Variants in NOTCH4 observed in about 807,000 individuals in gnomAD.
NOTCH4 encodes notch receptor 4, also known as neurogenic locus notch homolog protein 4.
NOTCH4 carries 138 observed loss-of-function variants against 189.0 expected under a neutral mutation model. The observed-to-expected ratio is 0.73, with a 90% confidence interval of 0.64 to 0.84. NOTCH4 has a LOEUF of 0.84. Ranked by LOEUF, NOTCH4 falls within the 40% of genes least tolerant of loss-of-function variation. The pLI, the probability that NOTCH4 is intolerant of heterozygous loss-of-function variation, is 0.00. For synonymous variants in NOTCH4, 942 were observed against 1,032.8 expected, an observed-to-expected ratio of 0.91 and a Z score of 1.69; for missense variants, 2,286 against 2,605.4, an observed-to-expected ratio of 0.88 and a Z score of 2.67.
intron 7 of NOTCH4, 70 bp downstream of exon 7, chr6:32,220,059 G>T: frequency 6.6e-7 from 1 of 1,503,852 alleles, no homozygotes; most frequent in Non-Finnish European, 9.1e-7. Context: ...AAAGCAATCT[G>T]CCCTTTTCTG....
Position 32,201,440 on chromosome 6 carries a change from G to A in NOTCH4, c.3816C>T (p.Cys1272=), listed in dbSNP as rs542575877. 6.5e-7 allele frequency: 1 copy of A among 1,535,724 alleles called. No homozygotes were observed. The highest frequency in any genetic ancestry group is 1.3e-5 in the South Asian group (1 of 77,830). ...CATCCCAGCCACACTCTGCAGTGTT[G>A]CAGCCTTTCTCACAGTGCCCGTTGT... ...HFHNGHCEKG[C]NTAECGWDGG... Residue 1272 remains cysteine, a synonymous_variant, in exon 22 of 30, where the codon TGC becomes TGT. Transcript: ENST00000375023. The surrounding 1 kb of genome is among the most constrained non-coding windows in gnomAD (Gnocchi z 5.5).
At chr6:32,214,969 G>T (rs904340335) in intron 12 of NOTCH4, among the ~76,000 whole-genome samples, 19 of 152,084 alleles carry the variant, frequency 1.2e-4, no homozygotes, top group African/African-American at 4.1e-4. Context: ...TGATTAATTC[G>T]CCCTGGGATT....
Position 32,217,363 on chromosome 6 carries a change from C to G in NOTCH4, c.1625-97G>C. On this transcript the variant is annotated intron_variant, in intron 9 of 29. Coordinates refer to ENST00000375023, the MANE Select transcript of NOTCH4 (RefSeq NM_004557.4). The surrounding 1 kb of genome is among the most constrained non-coding windows in gnomAD (Gnocchi z 4.2). Reference sequence around the variant, plus strand: ...TGCCAGGAAAGGTGAACTTGCAGAGCTTCCCAGAGAAGACACCTGGGGCAG... The same window carrying G: ...TGCCAGGAAAGGTGAACTTGCAGAGGTTCCCAGAGAAGACACCTGGGGCAG... 2.6e-6 allele frequency: 2 copies of G among 763,996 alleles called. No individual in the cohort carries two copies. Among genetic ancestry groups the G allele is most frequent in the Non-Finnish European group, 4.5e-6 (2 of 446,650 alleles). The allele number at this position is 763,996 out of a possible 1,614,324, so 47.3% of individuals were successfully genotyped here.
rs1440570255 is a variant in NOTCH4 at position 32,202,255 on chromosome 6, A to T, written c.3576T>A (p.Ser1192Arg). Residue 1192 changes from serine (S) to arginine (R), a missense_variant, in exon 21 of 30, where the codon AGT becomes AGA. By Grantham distance (110) the Ser-to-Arg change is moderately radical. Transcript: ENST00000375023. This position sits in a 1 kb window ranked among gnomAD's most constrained non-coding sequence, Gnocchi z 5.7. ...SGDGACDAGCSGPGGNWDGGD... is the reference protein window; with the variant it reads ...SGDGACDAGCRGPGGNWDGGD... ...CTCCATCCCAGTTTCCTCCCGGGCC[A>T]CTGCAGCCAGCATCGCAGGCCCCAT... is the stretch of plus-strand genomic sequence containing the variant. The T allele has an allele frequency of 1.3e-6, 2 of 1,576,766 alleles. No homozygotes were observed. The highest frequency in any genetic ancestry group is 1.8e-5 in the Admixed American group (1 of 56,694).
rs1366721387 is a variant in NOTCH4, at chr6:32,196,924, C to T, written c.5200+1G>A. The T allele has an allele frequency of 1.2e-6, 2 of 1,612,956 alleles. No homozygotes were observed. The highest frequency in any genetic ancestry group is 8.5e-7 in the Non-Finnish European group (1 of 1,180,022). On this transcript the variant is annotated splice_donor_variant, in intron 28 of 29. Coordinates refer to ENST00000375023, the MANE Select transcript of NOTCH4 (RefSeq NM_004557.4). LOFTEE classifies it high-confidence loss of function. ...CATACATCACCCCTTCCTCTACATA[C>T]CCCATTTATCTCTGGCCCCCACGTC... is the stretch of plus-strand genomic sequence containing the variant.
chr6:32,201,323 C>G lies in NOTCH4; in HGVS notation c.3933G>C (p.Gln1311His). ...VVLSPPALDQ[Q>H]LFALARVLSL... Reference sequence around the variant, plus strand: ...ACAGCACCCGGGCCAGGGCAAACAGCTGCTGGTCTAGGGCTGGGGGGCTCA... The same window carrying G: ...ACAGCACCCGGGCCAGGGCAAACAGGTGCTGGTCTAGGGCTGGGGGGCTCA... Residue 1311 changes from glutamine to histidine, a missense_variant, in exon 22 of 30, where the codon CAG (glutamine) becomes CAC (histidine). Around this residue, in one of 2 missense-constraint regions of NOTCH4, gnomAD observed 1,903 missense variants for 2,261.9 expected, o/e 0.84. Transcript: ENST00000375023. The surrounding 1 kb of genome is among the most constrained non-coding windows in gnomAD (Gnocchi z 5.5). 1 of 1,612,634 alleles carries G rather than the reference C, an allele frequency of 6.2e-7. No individual in the cohort carries two copies. Among genetic ancestry groups the G allele is most frequent in the Non-Finnish European group, 8.5e-7 (1 of 1,179,764 alleles).
rs1246357602 is a variant in NOTCH4, at chr6:32,221,112, C to T, written c.665G>A (p.Cys222Tyr). The T allele has an allele frequency of 3.1e-6, 5 of 1,613,100 alleles. No individual in the cohort carries two copies. The highest frequency in any genetic ancestry group is 2.2e-5 in the East Asian group (1 of 44,868). The stretch of plus-strand genomic sequence containing the variant: ...ACGTGGACCCTCCTGCCCCACAGGG[C>T]AGAGGCACTGGAAGGAGCCCAGGGT... ...HNTLGSFQCL[C>Y]PVGQEGPRCE... The change falls in exon 4 of 30, where the codon TGC becomes TAC. Residue 222 changes from cysteine to tyrosine, a missense_variant. By Grantham distance (194) the Cys-to-Tyr change is radical. This residue lies in a region of NOTCH4 where 1,903 missense variants were observed against 2,261.9 expected (regional missense o/e 0.84). Coordinates refer to ENST00000375023, the MANE Select transcript of NOTCH4 (RefSeq NM_004557.4). This position sits in a 1 kb window ranked among gnomAD's most constrained non-coding sequence, Gnocchi z 4.3.
At chr6:32,214,588 C>A (rs1196850134) in intron 12 of NOTCH4, among the ~76,000 whole-genome samples, 1 of 151,776 alleles carries the variant, frequency 6.6e-6, no homozygotes, top group African/African-American at 2.4e-5. Context: ...TGTGTTTCCC[C>A]CAGGGCCTGG....
Position 32,210,438 on chromosome 6 carries a change from CG to C in NOTCH4, c.2865+313del, listed in dbSNP as rs910008949. On this transcript the variant is annotated intron_variant, in intron 18 of 29. Transcript: ENST00000375023. This position sits in a 1 kb window ranked among gnomAD's most constrained non-coding sequence, Gnocchi z 4.8. The stretch of plus-strand genomic sequence containing the variant: ...CATTTTCAGTAGAGTACCCTGGCCA[CG>C]GGGTAAAGGCTGAACCTATAGAAGG... Among the ~76,000 whole-genome samples, 4 of 151,954 alleles carry C rather than the reference CG, an allele frequency of 2.6e-5. No individual in the cohort carries two copies. The highest frequency in any genetic ancestry group is 5.9e-5 in the Non-Finnish European group (4 of 68,010).
At position 32,218,114 on chromosome 6, in the gene NOTCH4, G is replaced by A; in HGVS notation, c.1511-6C>T. ...ACAGAGCTGCCCTTCTAAGCCTGGG[G>A]ACATGGGGACCATGAGGGCTGTGGC... is the stretch of plus-strand genomic sequence containing the variant. On this transcript the variant is annotated splice_polypyrimidine_tract_variant and splice_region_variant and intron_variant, in intron 8 of 29. Coordinates refer to ENST00000375023, the MANE Select transcript of NOTCH4 (RefSeq NM_004557.4). 1 of 1,583,626 alleles carries A rather than the reference G, an allele frequency of 6.3e-7. No homozygotes were observed. The highest frequency in any genetic ancestry group is 1.1e-5 in the South Asian group (1 of 89,270).
Position 32,195,097 on chromosome 6 carries a change from T to C in NOTCH4, c.*340A>G. 1 of 316,626 alleles carries C rather than the reference T, an allele frequency of 3.2e-6. No homozygotes were observed. Among genetic ancestry groups the C allele is most frequent in the Non-Finnish European group, 5.8e-6 (1 of 171,028 alleles). 19.6% of individuals were successfully genotyped at this position (316,626 alleles called of 1,614,324 possible). On this transcript the variant is annotated 3_prime_UTR_variant, in exon 30 of 30. Transcript: ENST00000375023. The surrounding 1 kb of genome is among the most constrained non-coding windows in gnomAD (Gnocchi z 5.4). ...GGACAATGGATCATAGGGGCACCCT[T>C]TGGAAACCATATATAGGAAAGAACA...
In NOTCH4 at chr6:32,220,083, G is replaced by C. The variant is rs371140195; in HGVS notation, c.1315+46C>G. 1.8e-4 allele frequency: 283 copies of C among 1,587,812 alleles called. No individual in the cohort carries two copies. In the African/African-American group the frequency reaches 3.0e-3, roughly 17 times the overall value. On this transcript the variant is annotated intron_variant, in intron 7 of 29. Transcript: ENST00000375023. The stretch of plus-strand genomic sequence containing the variant: ...TGCCCTTTTCTGTCTTCAGTGCAGA[G>C]GCCTGTCTGAGGCTCAGAGAGGCTC...
chr6:32,213,928 C>A, intron 13 of NOTCH4, 88 bp from the exon 14 acceptor site: 1 of 1,517,038 alleles, frequency 6.6e-7, no homozygotes, highest in Non-Finnish European at 9.0e-7. Context: ...CCTTCCTCAT[C>A]CCCAACCCTA....
In NOTCH4 at chr6:32,221,011, C is replaced by A; in HGVS notation, c.766G>T (p.Asp256Tyr). 1 of 1,606,930 alleles carries A rather than the reference C, an allele frequency of 6.2e-7. No homozygotes were observed. Among genetic ancestry groups the A allele is most frequent in the Non-Finnish European group, 8.5e-7 (1 of 1,175,472 alleles). Reference sequence around the variant, plus strand: ...CAGAGGCAGAGGTGAAAGGTGGAGTCTTTCTCTGGCATCAGCTGGCAGGTG... The same window carrying A: ...CAGAGGCAGAGGTGAAAGGTGGAGTATTTCTCTGGCATCAGCTGGCAGGTG... Reference protein sequence around the residue: ...GGTCQLMPEKDSTFHLCLCPP... With the variant: ...GGTCQLMPEKYSTFHLCLCPP... The change falls in exon 4 of 30, where the codon GAC becomes TAC. Residue 256 changes from aspartate to tyrosine, a missense_variant. Physicochemically the swap from Asp to Tyr is radical, Grantham distance 160 (BLOSUM62 -3). Around this residue, in one of 2 missense-constraint regions of NOTCH4, gnomAD observed 1,903 missense variants for 2,261.9 expected, o/e 0.84. Coordinates refer to ENST00000375023, the MANE Select transcript of NOTCH4 (RefSeq NM_004557.4). The surrounding 1 kb of genome is among the most constrained non-coding windows in gnomAD (Gnocchi z 4.3).
rs368590743 is a variant in NOTCH4 at position 32,197,398 on chromosome 6, G to T, written c.4953C>A (p.Arg1651=). 2 of 1,541,250 alleles carry T rather than the reference G, an allele frequency of 1.3e-6. No homozygotes were observed. The part of the protein sequence containing the change: ...AARFSRPTAA[R]RLLEAGANPN... Reference sequence around the variant, plus strand: ...GGTTGGCTCCAGCCTCAAGGAGGCGGCGGGCAGCGGTTGGCCGGGAGAATC... The same window carrying T: ...GGTTGGCTCCAGCCTCAAGGAGGCGTCGGGCAGCGGTTGGCCGGGAGAATC... Residue 1651 remains arginine (R), a synonymous_variant, in exon 27 of 30, where the codon CGC becomes CGA. Coordinates refer to ENST00000375023, the MANE Select transcript of NOTCH4 (RefSeq NM_004557.4).
chr6:32,197,227 T>C (rs992108771), intron 27 of NOTCH4, 72 bp downstream of exon 27: 23 of 1,516,362 alleles, frequency 1.5e-5, no homozygotes, highest in Non-Finnish European at 1.9e-5. Context: ...TGTCAAACTC[T>C]AGGGGATGCT....
chr6:32,215,376 C>A lies in NOTCH4; in HGVS notation c.1871G>T (p.Cys624Phe). 1 of 1,608,974 alleles carries A rather than the reference C, an allele frequency of 6.2e-7. No individual in the cohort carries two copies. The change falls in exon 12 of 30, where the codon TGT becomes TTT. Residue 624 changes from cysteine to phenylalanine, a missense_variant. Transcript: ENST00000375023. ...LCPSGFTGQL[C>F]EVPLCAPNLC... is the part of the protein sequence containing the mutation. ...GTTGGGAGCACACAGGGGAACCTCA[C>A]AGAGCTGGCCTGGGGTGGGAAGATG...
At chr6:32,219,525 G>T in intron 8 of NOTCH4, 67 bp downstream of exon 8, 2 of 1,399,014 alleles carry the variant, frequency 1.4e-6, no homozygotes, top group Non-Finnish European at 2.0e-6. Flanking sequence ...ACTCTGGAGG[G>T]GGCATTCCTA....
At chr6:32,211,059 G>T in intron 17 of NOTCH4, 123 bp from the exon 18 acceptor site, 1 of 869,468 alleles carries the variant, frequency 1.2e-6, no homozygotes, top group South Asian at 1.9e-5. Context: ...AGGAGTGTGA[G>T]ACCAGCCTGG....
Sources: gnomAD v4.1 joint callset for allele counts (sites outside exome capture counted in the v4.1 genomes callset) on GRCh38, gnomAD v4.1.1 for gene constraint, gnomAD v4.1.1 regional missense constraint, Gnocchi (gnomAD v3.1) non-coding constraint, MANE v1.5 for transcripts, NCBI Gene and HGNC (gene_info 2026-07-23, HGNC 2026-07-21) for gene names.